GSE1: variants seen among roughly 807,000 people sequenced by gnomAD.
The protein encoded by GSE1 is Gse1 coiled-coil protein.
In GSE1, 32 loss-of-function variants were observed where a neutral mutation model predicts 112.6. The observed-to-expected ratio is 0.28, with a 90% CI of 0.21 to 0.38. The LOEUF (loss-of-function observed/expected upper bound fraction) is 0.38, where lower values mean the gene tolerates loss of function less well. GSE1 is among the 10% of genes least tolerant of loss of function. The pLI, the probability that GSE1 is intolerant of heterozygous loss-of-function variation, is 1.00. For synonymous variants in GSE1, 1,115 were observed against 735.6 expected (o/e 1.52, Z -8.35); for missense variants, 2,348 against 1,699.2 (o/e 1.38, Z -6.71).
At chr16:85,551,870 C>T (rs1686789665), upstream of GSE1, among the ~76,000 whole-genome samples, 1 of 152,214 alleles carries the variant, frequency 6.6e-6, no homozygotes, top group Admixed American at 6.5e-5. Context: ...AGATGTTTAC[C>T]TTTGACTAGG....
At chr16:85,415,029 C>T (rs941346381) in intron 2 of GSE1, among the ~76,000 whole-genome samples, 9 of 152,216 alleles carry the variant, frequency 5.9e-5, no homozygotes, top group African/African-American at 2.2e-4. Flanking sequence ...ACAGCAGCCT[C>T]TACCTCCTGG....
At chr16:85,403,872 T>C (rs1824987053) in intron 2 of GSE1, among the ~76,000 whole-genome samples, 1 of 152,110 alleles carries the variant, frequency 6.6e-6, no homozygotes, top group South Asian at 2.1e-4. Context: ...AGCATCAAGG[T>C]GTGGGCAGGG....
At chr16:85,343,762 A>C (rs1348069248) in intron 1 of GSE1, among the ~76,000 whole-genome samples, 1 of 152,130 alleles carries the variant, frequency 6.6e-6, no homozygotes, top group Non-Finnish European at 1.5e-5. Context: ...AAAAGTTGAA[A>C]TTTTAAAAAG....
At chr16:85,192,859 C>T (rs549880385) in intron 1 of GSE1, among the ~76,000 whole-genome samples, 5 of 152,304 alleles carry the variant, frequency 3.3e-5, no homozygotes, top group East Asian at 3.9e-4. Flanking sequence ...GAAGCTGCCT[C>T]GCCCTTTTGG....
At chr16:85,588,132 C>G (rs1033977246) in intron 1 of GSE1, among the ~76,000 whole-genome samples, 4 of 152,228 alleles carry the variant, frequency 2.6e-5, no homozygotes, top group African/African-American at 4.8e-5. Flanking sequence ...CTTCACTTCA[C>G]TGGGGTGAGC....
In GSE1 at chr16:85,246,498, A is replaced by ACCCCCCCCCCCCCCCCCCCCCCCCCCCC. The variant is rs1567636430; in HGVS notation, c.2283+74692_2283+74693insCCCCCCCCCCCCCCCCCCCCCCCCCCCC. ...ACACACACACACACACACACTCTAC[A>ACCCCCCCCCCCCCCCCCCCCCCCCCCCC]CACCCCCCCCCCCCCGACGCTGTCT... On this transcript the variant is annotated intron_variant, in intron 1 of 2. Coordinates refer to the GSE1 transcript ENST00000637419. Among the ~76,000 whole-genome samples the ACCCCCCCCCCCCCCCCCCCCCCCCCCCC allele has an allele frequency of 1.6e-4, 5 of 31,534 alleles. 1 individual carries two copies. The highest frequency in any genetic ancestry group is 2.0e-4 in the Non-Finnish European group (3 of 15,106). The allele number at this position is 31,534 out of a possible 152,430, so 20.7% of individuals were successfully genotyped here.
At chr16:85,553,236 C>T (rs1166250257), upstream of GSE1, among the ~76,000 whole-genome samples, 3 of 117,302 alleles carry the variant, frequency 2.6e-5, no homozygotes, top group African/African-American at 6.6e-5. Context: ...GCGGGGCGCG[C>T]GGGGTGGGGG....
intron 2 of GSE1, among the ~76,000 whole-genome samples, chr16:85,435,867 C>A (rs2049235722): frequency 6.6e-6 from 1 of 152,106 alleles, no homozygotes; most frequent in Non-Finnish European, 1.5e-5. Context: ...CTGTGGGTCC[C>A]ATGTTCCCCA....
intron 2 of GSE1, among the ~76,000 whole-genome samples, chr16:85,517,322 G>A (rs571346858): frequency 6.6e-5 from 10 of 152,310 alleles, no homozygotes; most frequent in Admixed American, 1.3e-4. Context: ...CCTTGGTCCT[G>A]CTGCTTAACC....
Position 85,348,296 on chromosome 16 carries a change from T to TCATCCATCCATCCATC in GSE1, c.2284-9152_2284-9137dup, listed in dbSNP as rs57742912. Among the ~76,000 whole-genome samples the TCATCCATCCATCCATC allele has an allele frequency of 2.3e-3, 344 of 151,250 alleles. 3 individuals carry two copies. Among genetic ancestry groups the TCATCCATCCATCCATC allele is most frequent in the Admixed American group, 4.8e-3 (73 of 15,200 alleles). ...CTCCATCTATCCATCCATCCACTGTTCATCCATCCATCCATCCATCCATCC... is the reference window on the plus strand; with the variant it reads ...CTCCATCTATCCATCCATCCACTGTTCATCCATCCATCCATCCATCCATCCATCCATCCATCCATCC... On this transcript the variant is annotated intron_variant, in intron 1 of 2. Transcript: ENST00000637419.
chr16:85,190,047 C>A (rs1401860344), intron 1 of GSE1, among the ~76,000 whole-genome samples: 1 of 152,148 alleles, frequency 6.6e-6, no homozygotes, highest in African/African-American at 2.4e-5. Context: ...TTTTGCAAAT[C>A]TAGAAGAAAT....
At chr16:85,623,668 A>G (rs145910232) in intron 1 of GSE1, among the ~76,000 whole-genome samples, 229 of 152,314 alleles carry the variant, frequency 1.5e-3, no homozygotes, top group Middle Eastern at 3.4e-3. Flanking sequence ...CTTCTGACTT[A>G]AAGGCGCCCA....
exon 1 of GSE1, chr16:85,171,181 A>G: frequency 6.1e-6 from 6 of 985,622 alleles, no homozygotes; most frequent in Non-Finnish European, 7.2e-6. Flanking sequence ...GGCCTGCCAG[A>G]ACGAGGAGCT....
At chr16:85,504,993 T>A (rs2051490304) in intron 2 of GSE1, among the ~76,000 whole-genome samples, 1 of 148,114 alleles carries the variant, frequency 6.8e-6, no homozygotes, top group African/African-American at 2.5e-5. Flanking sequence ...ATTCTCCTCG[T>A]CAGCATCACA....
At chr16:85,668,027 G>C in intron 13 of GSE1, 113 bp from the exon 14 acceptor site, 7 of 778,192 alleles carry the variant, frequency 9.0e-6, no homozygotes, top group African/African-American at 3.5e-5. Context: ...TTGGTCCCCG[G>C]AGCCCTGCAG....
rs1567736465 is a variant in GSE1, at chr16:85,656,411, CTGACCGCGAGCGGGAGAA to C, written c.1059_1076del (p.Asp354_Lys359del). 1 of 1,567,744 alleles carries C rather than the reference CTGACCGCGAGCGGGAGAA, an allele frequency of 6.4e-7. No homozygotes were observed. Among genetic ancestry groups the C allele is most frequent in the East Asian group, 2.3e-5 (1 of 43,610 alleles). On this transcript the variant is annotated inframe_deletion, in exon 7 of 16. Transcript: ENST00000253458. ...CGCGAGCGCGAGCGTGAGCGTGAGG[CTGACCGCGAGCGGGAGAA>C]GGAACGTGAGCGCGAACGCGAGAAG... is the stretch of plus-strand genomic sequence containing the variant.
chr16:85,344,541 G>C (rs1009024428), intron 1 of GSE1, among the ~76,000 whole-genome samples: 1 of 152,250 alleles, frequency 6.6e-6, no homozygotes, highest in Non-Finnish European at 1.5e-5. Flanking sequence ...CATGTGTGAA[G>C]CGCAGGGCTG....
At chr16:85,241,104 C>T (rs1169516843) in intron 1 of GSE1, among the ~76,000 whole-genome samples, 3 of 152,176 alleles carry the variant, frequency 2.0e-5, no homozygotes, top group African/African-American at 4.8e-5. Flanking sequence ...CTCCTTCTTC[C>T]TCTGAGACAG....
chr16:85,437,829 G>A (rs2049286728), intron 2 of GSE1, among the ~76,000 whole-genome samples: 1 of 152,184 alleles, frequency 6.6e-6, no homozygotes, highest in South Asian at 2.1e-4. Flanking sequence ...GACCGGCTCT[G>A]GGTTTAAATC....
Sources: gnomAD v4.1 joint callset for allele counts (sites outside exome capture counted in the v4.1 genomes callset) on GRCh38, gnomAD v4.1.1 for gene constraint, MANE v1.5 for transcripts, NCBI Gene and HGNC (gene_info 2026-07-23, HGNC 2026-07-21) for gene names.